The following TMEM178B variants were observed in gnomAD, a reference collection of about 807,000 sequenced individuals.
TMEM178B encodes transmembrane protein 178B.
TMEM178B carries 5 observed loss-of-function variants against 31.0 expected under a neutral mutation model. That is an observed-to-expected ratio of 0.16 (90% CI 0.08 to 0.34). The LOEUF is 0.34. Ranked by LOEUF, TMEM178B falls within the 10% of genes least tolerant of loss-of-function variation. The pLI is 1.00. For synonymous variants in TMEM178B, 164 were observed against 164.0 expected (o/e 1.00, Z 0.00); for missense variants, 275 against 400.3 (o/e 0.69, Z 2.67).
At chr7:141,231,316 A>G (rs954470067) in intron 2 of TMEM178B, among the ~76,000 whole-genome samples, 35 of 151,756 alleles carry the variant, frequency 2.3e-4, no homozygotes, top group African/African-American at 7.7e-4. Context: ...AAGAGAAGAA[A>G]AAAAAAAAAC....
chr7:141,436,367 G>A (rs1056527688), intron 2 of TMEM178B, among the ~76,000 whole-genome samples: 2 of 152,152 alleles, frequency 1.3e-5, no homozygotes, highest in Non-Finnish European at 2.9e-5. Flanking sequence ...TGACAGAGAG[G>A]GACGCCCAAG....
At chr7:141,156,414 C>T (rs981068762) in intron 1 of TMEM178B, among the ~76,000 whole-genome samples, 1 of 152,126 alleles carries the variant, frequency 6.6e-6, no homozygotes, top group Non-Finnish European at 1.5e-5. Context: ...AGAGAACATG[C>T]AAAGTCCCTT....
At chr7:141,298,808 A>T (rs981692337) in intron 2 of TMEM178B, among the ~76,000 whole-genome samples, 1 of 152,244 alleles carries the variant, frequency 6.6e-6, no homozygotes, top group Non-Finnish European at 1.5e-5. Context: ...TGCAATCCAC[A>T]TACCAATTTC....
intron 2 of TMEM178B, among the ~76,000 whole-genome samples, chr7:141,342,292 A>G (rs1169650447): frequency 2.0e-5 from 3 of 152,206 alleles, no homozygotes; most frequent in African/African-American, 7.2e-5. Flanking sequence ...GCAATAATGG[A>G]TCCTTCAGTA....
chr7:141,510,685 CAAAAAAAAAAAAAAA>C, the TMEM178B span, among the ~76,000 whole-genome samples: 19 of 24,966 alleles, frequency 7.6e-4, no homozygotes, highest in Admixed American at 2.5e-3. Flanking sequence ...AACTCCGTCT[CAAAAAAAAAAAAAAA>C]AAAAAAAAAA....
At chr7:141,297,016 C>T (rs1452862031) in intron 2 of TMEM178B, 3 of 152,214 alleles carry the variant, frequency 2.0e-5, no homozygotes. Context: ...TTTACTTGTA[C>T]ATCATGGTAC....
intron 3 of TMEM178B, among the ~76,000 whole-genome samples, chr7:141,445,406 T>C (rs1232442582): frequency 6.6e-6 from 1 of 152,232 alleles, no homozygotes; most frequent in Non-Finnish European, 1.5e-5. Flanking sequence ...AGGGATCTTA[T>C]AGAACAACAT....
At position 141,399,413 on chromosome 7, in the gene TMEM178B, T is replaced by C. The variant is rs143802561; in HGVS notation, c.497-38195T>C. Among the ~76,000 whole-genome samples, 277 of 152,334 alleles carry C rather than the reference T, an allele frequency of 1.8e-3. 2 individuals are homozygous for C. The highest frequency in any genetic ancestry group is 6.4e-3 in the African/African-American group (265 of 41,566). Reference sequence around the variant, plus strand: ...TCATATTTGAATATATTAGCTGATATATAGTCAGGGCAGAATCATGACAAG... The same window carrying C: ...TCATATTTGAATATATTAGCTGATACATAGTCAGGGCAGAATCATGACAAG... On this transcript the variant is annotated intron_variant, in intron 2 of 3. Transcript: ENST00000565468.
chr7:141,413,854 A>T (rs942762704), intron 2 of TMEM178B, among the ~76,000 whole-genome samples: 12 of 152,136 alleles, frequency 7.9e-5, no homozygotes, highest in Non-Finnish European at 1.5e-4. Context: ...TATTGTGGGG[A>T]ATTTAGAAAC....
intron 2 of TMEM178B, among the ~76,000 whole-genome samples, chr7:141,416,771 A>T (rs1004163983): frequency 6.6e-6 from 1 of 152,164 alleles, no homozygotes; most frequent in Non-Finnish European, 1.5e-5. Context: ...AGAGGGAGAG[A>T]TTGGCACACA....
rs376174548 is a variant in TMEM178B at position 141,367,627 on chromosome 7, T to C, written c.497-69981T>C. On this transcript the variant is annotated intron_variant, in intron 2 of 3. Transcript: ENST00000565468. ...ATGATGCTGGGTCCTGGGAGTATAA[T>C]GTGAGATAAAACATTTTCTTAAAAC... 1.7e-4 allele frequency among the ~76,000 whole-genome samples: 26 copies of C among 152,234 alleles called. 1 individual carries two copies. In the South Asian group the frequency reaches 2.5e-3, roughly 15 times the overall value.
At chr7:141,113,994 A>G (rs1159342219) in intron 1 of TMEM178B, among the ~76,000 whole-genome samples, 1 of 152,234 alleles carries the variant, frequency 6.6e-6, no homozygotes, top group African/African-American at 2.4e-5. Flanking sequence ...AGTTAAGGGC[A>G]TTTTAGTATG....
intron 3 of TMEM178B, among the ~76,000 whole-genome samples, chr7:141,442,520 C>T (rs1801680020): frequency 6.6e-6 from 1 of 152,192 alleles, no homozygotes; most frequent in Non-Finnish European, 1.5e-5. Context: ...CATGCTGCCT[C>T]TCACCTCCTT....
intron 1 of TMEM178B, among the ~76,000 whole-genome samples, chr7:141,096,668 T>A (rs1794965304): frequency 6.6e-6 from 1 of 152,238 alleles, no homozygotes; most frequent in South Asian, 2.1e-4. Context: ...CTCTTCTGTA[T>A]CTTTTGTAAT....
chr7:141,269,094 TTC>T (rs1798139201), intron 2 of TMEM178B, among the ~76,000 whole-genome samples: 1 of 123,342 alleles, frequency 8.1e-6, no homozygotes, highest in Non-Finnish European at 1.7e-5. Context: ...CTAATTTTTT[TTC>T]TTTTTTTTTT....
At chr7:141,175,192 T>G (rs1796407958) in intron 1 of TMEM178B, among the ~76,000 whole-genome samples, 1 of 152,218 alleles carries the variant, frequency 6.6e-6, no homozygotes, top group Admixed American at 6.5e-5. Context: ...CTAGCTAGTT[T>G]TCCCAACACC....
chr7:141,338,270 T>G (rs1799459734), intron 2 of TMEM178B, among the ~76,000 whole-genome samples: 1 of 152,250 alleles, frequency 6.6e-6, no homozygotes, highest in Non-Finnish European at 1.5e-5. Flanking sequence ...TAAGTCTATT[T>G]TGTTTAAAAG....
intron 1 of TMEM178B, among the ~76,000 whole-genome samples, chr7:141,190,604 C>T (rs1415517799): frequency 2.6e-5 from 4 of 152,212 alleles, no homozygotes; most frequent in South Asian, 2.1e-4. Flanking sequence ...AGCCACCATG[C>T]CCAGCTCATG....
intron 1 of TMEM178B, among the ~76,000 whole-genome samples, chr7:141,114,070 A>G (rs940822312): frequency 6.6e-6 from 1 of 152,262 alleles, no homozygotes; most frequent in Non-Finnish European, 1.5e-5. Flanking sequence ...CTGAAACCAG[A>G]TGACCACAGA....
Sources: gnomAD v4.1 joint callset for allele counts (sites outside exome capture counted in the v4.1 genomes callset) on GRCh38, gnomAD v4.1.1 for gene constraint, MANE v1.5 for transcripts, NCBI Gene and HGNC (gene_info 2026-07-23, HGNC 2026-07-21) for gene names.